PHF21A: variants seen among roughly 807,000 people sequenced by gnomAD.
PHF21A encodes the protein PHD finger protein 21A.
Under a neutral mutation model 82.5 loss-of-function variants are expected in PHF21A, and 11 were observed. The ratio of observed to expected loss-of-function variants is 0.13; its 90% CI spans 0.08 to 0.22. The LOEUF is 0.22. Ranked by LOEUF, PHF21A falls within the 10% of genes least tolerant of loss-of-function variation. PHF21A has a pLI of 1.00. For synonymous variants in PHF21A, 297 were observed against 302.8 expected, an observed-to-expected ratio of 0.98 and a Z score of 0.20; for missense variants, 579 against 837.8, an observed-to-expected ratio of 0.69 and a Z score of 3.81.
intron 6 of PHF21A, among the ~76,000 whole-genome samples, chr11:46,028,085 G>C (rs935140548): frequency 6.6e-6 from 1 of 151,658 alleles, no homozygotes; most frequent in Non-Finnish European, 1.5e-5. Context: ...GAAATCTCTG[G>C]GGACAATTTT....
At chr11:45,978,585 C>G in intron 7 of PHF21A, among the ~76,000 whole-genome samples, 1 of 152,120 alleles carries the variant, frequency 6.6e-6, no homozygotes, top group South Asian at 2.1e-4. Flanking sequence ...CAGTGAAGAC[C>G]TGGTGTTGGT....
intron 6 of PHF21A, among the ~76,000 whole-genome samples, chr11:46,030,612 CAA>C (rs1462947053): frequency 1.3e-5 from 2 of 152,110 alleles, no homozygotes; most frequent in East Asian, 1.9e-4. Flanking sequence ...ACACAAAATT[CAA>C]AAAGATTCTT....
At chr11:45,994,021 T>C (rs1172070768) in intron 6 of PHF21A, among the ~76,000 whole-genome samples, 2 of 152,164 alleles carry the variant, frequency 1.3e-5, no homozygotes, top group Non-Finnish European at 2.9e-5. Flanking sequence ...AGACAGTCTC[T>C]TTGGCAGGGC....
At chr11:45,952,810 G>A (rs573414671) in intron 11 of PHF21A, among the ~76,000 whole-genome samples, 2 of 152,320 alleles carry the variant, frequency 1.3e-5, no homozygotes, top group South Asian at 4.1e-4. Flanking sequence ...CTGGCCAAAT[G>A]AAATCTGTCA....
chr11:46,033,955 AG>A (rs1458341144), intron 6 of PHF21A, among the ~76,000 whole-genome samples: 1 of 152,198 alleles, frequency 6.6e-6, no homozygotes, highest in Admixed American at 6.5e-5. Context: ...TGTTTTCCAA[AG>A]TTGTTGAACA....
At chr11:45,994,699 T>C (rs2094841695) in intron 6 of PHF21A, among the ~76,000 whole-genome samples, 1 of 152,232 alleles carries the variant, frequency 6.6e-6, no homozygotes, top group Non-Finnish European at 1.5e-5. Flanking sequence ...CTGCAACACC[T>C]TATTTCAACT....
At chr11:45,934,717 C>T (rs1165195542) in intron 18 of PHF21A, 3 of 311,786 alleles carry the variant, frequency 9.6e-6, no homozygotes, top group Non-Finnish European at 1.9e-5. Context: ...AGTGAGACGA[C>T]AGGCCAGCAG....
intron 15 of PHF21A, 109 bp downstream of exon 15, chr11:45,945,731 G>A: frequency 1.1e-6 from 1 of 917,774 alleles, no homozygotes; most frequent in South Asian, 1.9e-5. Context: ...TTTAATTGCT[G>A]TTCCAGGGTT....
chr11:46,110,637 G>A (rs1017831990), intron 1 of PHF21A, among the ~76,000 whole-genome samples: 1 of 152,038 alleles, frequency 6.6e-6, no homozygotes, highest in Admixed American at 6.6e-5. Context: ...TGTAACTGCT[G>A]AATTTATTTC....
intron 1 of PHF21A, among the ~76,000 whole-genome samples, chr11:46,102,692 T>C (rs887170430): frequency 3.3e-5 from 5 of 152,240 alleles, no homozygotes; most frequent in African/African-American, 1.2e-4. Context: ...TAAAAAGGTA[T>C]TTTTCTATTC....
intron 6 of PHF21A, among the ~76,000 whole-genome samples, chr11:46,037,890 C>A (rs1174696733): frequency 6.6e-6 from 1 of 151,868 alleles, no homozygotes; most frequent in Non-Finnish European, 1.5e-5. Context: ...ATTTTTTCTT[C>A]TGAAATTCCT....
intron 6 of PHF21A, among the ~76,000 whole-genome samples, chr11:46,052,089 G>A: frequency 6.6e-6 from 1 of 151,962 alleles, no homozygotes; most frequent in Non-Finnish European, 1.5e-5. Flanking sequence ...CTAATGAGGG[G>A]ACTCCAGTTC....
At chr11:46,114,474 G>T (rs558719232) in intron 1 of PHF21A, among the ~76,000 whole-genome samples, 1 of 152,104 alleles carries the variant, frequency 6.6e-6, no homozygotes, top group African/African-American at 2.4e-5. Context: ...CAAATTTAAC[G>T]CAATCCAGCT....
At chr11:45,975,868 C>G (rs1198055427) in intron 7 of PHF21A, among the ~76,000 whole-genome samples, 1 of 152,152 alleles carries the variant, frequency 6.6e-6, no homozygotes, top group Non-Finnish European at 1.5e-5. Flanking sequence ...TAGCATCTCC[C>G]CCTGGCCCCC....
rs527376324 is a variant in PHF21A at position 46,077,132 on chromosome 11, C to A, written c.88-313G>T. On this transcript the variant is annotated intron_variant, in intron 5 of 18. Transcript: ENST00000676320. Reference sequence around the variant, plus strand: ...ATTCTTATTCTTTATAGAAAGTATCCATTGACAGAAAACCCAAAGCTCCAC... The same window carrying A: ...ATTCTTATTCTTTATAGAAAGTATCAATTGACAGAAAACCCAAAGCTCCAC... Among the ~76,000 whole-genome samples, 76 of 152,292 alleles carry A rather than the reference C, an allele frequency of 5.0e-4. 2 individuals are homozygous for A. The highest frequency in any genetic ancestry group is 1.7e-3 in the African/African-American group (71 of 41,562).
chr11:46,056,518 G>A lies in PHF21A; in HGVS notation c.153+20236C>T, dbSNP rs142234118. Among the ~76,000 whole-genome samples, 898 of 152,162 alleles carry A rather than the reference G, an allele frequency of 5.9e-3. 3 individuals are homozygous for A. The highest frequency in any genetic ancestry group is 9.5e-3 in the Non-Finnish European group (645 of 67,974). On this transcript the variant is annotated intron_variant, in intron 6 of 18. Transcript: ENST00000676320. ...AAGAAATTGGGCTTTTAAAAAATAG[G>A]TCCTTGTAAACGTCTTTCTAAAAGG... is the stretch of plus-strand genomic sequence containing the variant.
chr11:45,989,687 T>A (rs1591658244), intron 6 of PHF21A, among the ~76,000 whole-genome samples: 2 of 140,156 alleles, frequency 1.4e-5, no homozygotes, highest in Non-Finnish European at 3.1e-5. Context: ...AATAAATAAA[T>A]AAAAATAAAA....
At chr11:46,083,263 G>C (rs191059969) in intron 4 of PHF21A, among the ~76,000 whole-genome samples, 1 of 151,936 alleles carries the variant, frequency 6.6e-6, no homozygotes, top group Non-Finnish European at 1.5e-5. Context: ...AACGAGATCC[G>C]GAGCAGCAGC....
intron 1 of PHF21A, among the ~76,000 whole-genome samples, chr11:46,093,875 GTTT>G (rs1012642216): frequency 3.9e-5 from 6 of 152,040 alleles, no homozygotes; most frequent in Non-Finnish European, 7.4e-5. Context: ...TTCTGGAACT[GTTT>G]TCATCCAAGT....
Sources: allele counts gnomAD v4.1 joint callset (sites outside exome capture counted in the v4.1 genomes callset), GRCh38; gene constraint gnomAD v4.1.1; transcripts MANE v1.5; gene names NCBI Gene and HGNC (gene_info 2026-07-23, HGNC 2026-07-21).